The following TMEM161B variants were observed in gnomAD, a reference collection of about 807,000 sequenced individuals.
The protein encoded by TMEM161B is transmembrane protein 161B.
A neutral mutation model predicts 61.8 loss-of-function variants in TMEM161B; 34 were observed. The ratio of observed to expected loss-of-function variants is 0.55; its 90% CI spans 0.42 to 0.73. The LOEUF is 0.73. TMEM161B is among the 30% of genes least tolerant of loss of function. The probability of loss-of-function intolerance (pLI) is 0.00; values close to 1 mark genes in which losing one functional copy is unlikely to be tolerated. For synonymous variants in TMEM161B, 167 were observed against 192.8 expected (o/e 0.87, Z 1.11); for missense variants, 456 against 558.5 (o/e 0.82, Z 1.85).
At chr5:88,213,707 A>T (rs1747300283) in intron 5 of TMEM161B, among the ~76,000 whole-genome samples, 1 of 152,178 alleles carries the variant, frequency 6.6e-6, no homozygotes, top group Non-Finnish European at 1.5e-5. Flanking sequence ...TATTACCCCA[A>T]ATCTCTATTT....
intron 2 of TMEM161B, among the ~76,000 whole-genome samples, chr5:88,231,993 T>C (rs896705284): frequency 6.6e-6 from 1 of 152,214 alleles, no homozygotes; most frequent in Non-Finnish European, 1.5e-5. Flanking sequence ...TCATTAAGTA[T>C]AGCATTTTTT....
intron 2 of TMEM161B, among the ~76,000 whole-genome samples, chr5:88,236,732 C>A (rs757314788): frequency 6.6e-6 from 1 of 152,040 alleles, no homozygotes; most frequent in East Asian, 1.9e-4. Context: ...TGCTGATGTG[C>A]CTTTTAATTT....
chr5:88,261,999 C>A (rs1755753883), intron 1 of TMEM161B, among the ~76,000 whole-genome samples: 1 of 151,954 alleles, frequency 6.6e-6, no homozygotes, highest in South Asian at 2.1e-4. Flanking sequence ...CAAACCAGAC[C>A]AGGGGAAAAT....
chr5:88,198,754 G>A (rs1750143186), intron 10 of TMEM161B: 3 of 491,948 alleles, frequency 6.1e-6, no homozygotes, highest in African/African-American at 2.0e-5. Flanking sequence ...ACCACCCACT[G>A]TATGACACCA....
chr5:88,221,496 C>G (rs1487258082), intron 4 of TMEM161B: 1 of 286,156 alleles, frequency 3.5e-6, no homozygotes, highest in Non-Finnish European at 7.0e-6. Flanking sequence ...GAGACTCCAT[C>G]TCAAGAAAAA....
intron 4 of TMEM161B, 152 bp downstream of exon 4, chr5:88,225,617 T>A: frequency 4.2e-6 from 2 of 481,004 alleles, no homozygotes; most frequent in Non-Finnish European, 7.1e-6. Context: ...AACAAAAAAA[T>A]AAATTTAATT....
At chr5:88,201,803 G>A (rs943932125) in intron 9 of TMEM161B, 13 of 162,146 alleles carry the variant, frequency 8.0e-5, no homozygotes, top group Admixed American at 1.9e-4. Context: ...AGTGTGTGTC[G>A]GCGGCGGGGA....
rs770186848 is a variant in TMEM161B, at chr5:88,206,615, A to G, written c.599-116T>C. On this transcript the variant is annotated intron_variant, in intron 6 of 11. Coordinates refer to ENST00000296595, the MANE Select transcript of TMEM161B (RefSeq NM_153354.5). ...GAGCATCTTAAATTTTGAAGTGACT[A>G]GCTTAGCTCTTTCATGTGTTAATTA... 266 of 1,023,448 alleles carry G rather than the reference A, an allele frequency of 2.6e-4. 1 individual carries two copies. Among genetic ancestry groups the G allele is most frequent in the Non-Finnish European group, 3.6e-4 (259 of 710,334 alleles). The allele number at this position is 1,023,448 out of a possible 1,614,324, so 63.4% of individuals were successfully genotyped here. A position where few individuals can be genotyped will look rare whatever the true frequency, so the allele number is the denominator to read the frequency against.
chr5:88,242,921 A>G, intron 1 of TMEM161B, among the ~76,000 whole-genome samples: 1 of 151,776 alleles, frequency 6.6e-6, no homozygotes, highest in East Asian at 1.9e-4. Flanking sequence ...TAAACTGGGG[A>G]AAAGTAGAAC....
chr5:88,185,590 A>G (rs1371316405), downstream of TMEM161B, among the ~76,000 whole-genome samples: 3 of 152,198 alleles, frequency 2.0e-5, no homozygotes, highest in Non-Finnish European at 4.4e-5. Flanking sequence ...TATTATAACT[A>G]TATTTTATAT....
downstream of TMEM161B, among the ~76,000 whole-genome samples, chr5:88,188,897 CCTT>C (rs1455066395): frequency 2.6e-5 from 4 of 152,170 alleles, no homozygotes; most frequent in East Asian, 1.9e-4. Flanking sequence ...CCACTGACTT[CCTT>C]CTTCTTGTTT....
intron 2 of TMEM161B, among the ~76,000 whole-genome samples, chr5:88,239,241 T>C (rs1752356140): frequency 6.6e-6 from 1 of 151,980 alleles, no homozygotes; most frequent in Admixed American, 6.6e-5. Context: ...TGTAACAAGA[T>C]GAAAATGCAT....
intron 1 of TMEM161B, among the ~76,000 whole-genome samples, chr5:88,261,577 T>C (rs1247199413): frequency 1.4e-5 from 2 of 143,522 alleles, no homozygotes; most frequent in African/African-American, 5.2e-5. Flanking sequence ...AAAGAAGAAA[T>C]AAACAGATCA....
intron 1 of TMEM161B, among the ~76,000 whole-genome samples, chr5:88,244,671 T>C (rs2112681579): frequency 6.6e-6 from 1 of 151,690 alleles, no homozygotes; most frequent in East Asian, 1.9e-4. Context: ...TTTCTAATTC[T>C]GTGAAGAATG....
intron 2 of TMEM161B, among the ~76,000 whole-genome samples, chr5:88,231,293 T>C (rs1420573154): frequency 2.0e-5 from 3 of 152,204 alleles, no homozygotes; most frequent in South Asian, 2.1e-4. Context: ...AAGTGAGAAG[T>C]GCAGGTGGCC....
downstream of TMEM161B, among the ~76,000 whole-genome samples, chr5:88,191,709 G>A (rs1363352114): frequency 6.6e-6 from 1 of 151,758 alleles, no homozygotes; most frequent in Non-Finnish European, 1.5e-5. Flanking sequence ...TGTAATCCCA[G>A]CACTTTGGGA....
chr5:88,206,573 T>G (rs890516835), intron 6 of TMEM161B, 74 bp from the exon 7 acceptor site: 9 of 1,367,498 alleles, frequency 6.6e-6, no homozygotes, highest in Admixed American at 5.2e-5. Flanking sequence ...TCCATGGAAA[T>G]AAAATGTTAG....
chr5:88,187,564 C>T (rs1475882568), downstream of TMEM161B, among the ~76,000 whole-genome samples: 1 of 152,090 alleles, frequency 6.6e-6, no homozygotes, highest in Non-Finnish European at 1.5e-5. Flanking sequence ...TTCTAACTTG[C>T]TTTTTGACAC....
At chr5:88,238,029 G>C (rs1454273724) in intron 2 of TMEM161B, among the ~76,000 whole-genome samples, 2 of 152,064 alleles carry the variant, frequency 1.3e-5, no homozygotes, top group African/African-American at 4.8e-5. Flanking sequence ...AAAATCCAAA[G>C]ATGCTAAAAC....
Sources: allele counts gnomAD v4.1 joint callset (sites outside exome capture counted in the v4.1 genomes callset), GRCh38; gene constraint gnomAD v4.1.1; transcripts MANE v1.5; gene names NCBI Gene and HGNC (gene_info 2026-07-23, HGNC 2026-07-21).